Variants in CPNE4 observed in about 807,000 individuals in gnomAD.
CPNE4 encodes the protein copine 4.
A neutral mutation model predicts 67.9 loss-of-function variants in CPNE4; 25 were observed. The observed-to-expected ratio is 0.37, with a 90% CI of 0.27 to 0.51. The LOEUF (loss-of-function observed/expected upper bound fraction) is 0.51, where lower values mean the gene tolerates loss of function less well. Ranked by LOEUF, CPNE4 falls within the 20% of genes least tolerant of loss-of-function variation. The pLI is 0.93. For missense variants in CPNE4, 464 were observed against 690.8 expected, an observed-to-expected ratio of 0.67 and a Z score of 3.68; for synonymous variants, 242 against 244.9, an observed-to-expected ratio of 0.99 and a Z score of 0.11.
chr3:131,768,726 C>T (rs2083087913), intron 2 of CPNE4, among the ~76,000 whole-genome samples: 1 of 152,066 alleles, frequency 6.6e-6, no homozygotes, highest in Admixed American at 6.6e-5. Flanking sequence ...TTTTTATCCT[C>T]TGCACCACAA....
intron 2 of CPNE4, among the ~76,000 whole-genome samples, chr3:131,771,207 A>G (rs1267247641): frequency 6.6e-6 from 1 of 152,184 alleles, no homozygotes; most frequent in African/African-American, 2.4e-5. Flanking sequence ...AAGAAACAAT[A>G]AAAAATCTTT....
intron 1 of CPNE4, among the ~76,000 whole-genome samples, chr3:131,986,433 C>G (rs1309841568): frequency 1.3e-5 from 2 of 152,176 alleles, no homozygotes; most frequent in African/African-American, 4.8e-5. Flanking sequence ...GAGCAACAAC[C>G]TAATGGCTTA....
At position 131,821,309 on chromosome 3, in the gene CPNE4, T is replaced by G. The variant is rs553334479; in HGVS notation, c.180+83955A>C. On this transcript the variant is annotated intron_variant, in intron 2 of 15. Coordinates refer to ENST00000429747, the MANE Select transcript of CPNE4 (RefSeq NM_130808.3). ...GAAAAGGACATTTGTTAGAGAATAC[T>G]GGGAATTTAGAGAGAATCCACAGAA... 1.0e-3 allele frequency among the ~76,000 whole-genome samples: 158 copies of G among 152,336 alleles called. 1 individual carries two copies. Among genetic ancestry groups the G allele is most frequent in the African/African-American group, 3.5e-3 (146 of 41,576 alleles).
intron 1 of CPNE4, among the ~76,000 whole-genome samples, chr3:131,993,336 A>G (rs1027869395): frequency 1.5e-5 from 2 of 134,268 alleles, no homozygotes; most frequent in African/African-American, 5.0e-5. Flanking sequence ...GGATACAGGA[A>G]ACTTGAAATC....
At chr3:131,786,229 A>G (rs2083559990) in intron 2 of CPNE4, among the ~76,000 whole-genome samples, 1 of 151,556 alleles carries the variant, frequency 6.6e-6, no homozygotes, top group African/African-American at 2.4e-5. Context: ...CCTTACCTTC[A>G]AACTCAGCTT....
intron 1 of CPNE4, among the ~76,000 whole-genome samples, chr3:131,953,141 G>A (rs953182200): frequency 1.3e-5 from 2 of 149,168 alleles, no homozygotes; most frequent in Admixed American, 1.4e-4. Context: ...GAAAACCAGA[G>A]ACCTTTGCTC....
At chr3:131,604,095 A>G (rs956571601) in intron 7 of CPNE4, among the ~76,000 whole-genome samples, 3 of 152,298 alleles carry the variant, frequency 2.0e-5, no homozygotes, top group Admixed American at 2.0e-4. Context: ...CCACACTTCC[A>G]GATTTCTGTT....
At chr3:131,816,079 A>G (rs1042807915) in intron 2 of CPNE4, among the ~76,000 whole-genome samples, 1 of 152,184 alleles carries the variant, frequency 6.6e-6, no homozygotes, top group Non-Finnish European at 1.5e-5. Context: ...GGCAAGATGG[A>G]GTCAGCTGTT....
intron 1 of CPNE4, among the ~76,000 whole-genome samples, chr3:131,912,903 A>G (rs1254194522): frequency 6.6e-6 from 1 of 152,180 alleles, no homozygotes; most frequent in Non-Finnish European, 1.5e-5. Context: ...CCTGCGGACT[A>G]CACCTTGAGT....
chr3:131,902,124 CA>C (rs1188610083), intron 2 of CPNE4, among the ~76,000 whole-genome samples: 4 of 151,926 alleles, frequency 2.6e-5, no homozygotes, highest in African/African-American at 9.7e-5. Context: ...GTTAAGAGAG[CA>C]AAATTTGCTA....
chr3:131,572,252 T>C (rs1388848399), intron 10 of CPNE4, among the ~76,000 whole-genome samples: 2 of 152,018 alleles, frequency 1.3e-5, no homozygotes, highest in East Asian at 3.9e-4. Context: ...AAAAGGTGAT[T>C]GAGGAAGTTT....
At chr3:131,721,740 G>C (rs1214446571) in intron 3 of CPNE4, among the ~76,000 whole-genome samples, 1 of 152,112 alleles carries the variant, frequency 6.6e-6, no homozygotes, top group Non-Finnish European at 1.5e-5. Context: ...TTTATGCATA[G>C]GAGGGATGCC....
At chr3:131,535,565 C>T (rs528769043) in intron 15 of CPNE4, among the ~76,000 whole-genome samples, 3 of 152,224 alleles carry the variant, frequency 2.0e-5, no homozygotes, top group Admixed American at 2.0e-4. Context: ...CATCTGAAGA[C>T]GAGTAAAAGT....
chr3:131,674,205 A>G (rs1211888308), intron 6 of CPNE4, among the ~76,000 whole-genome samples: 2 of 152,010 alleles, frequency 1.3e-5, no homozygotes, highest in Admixed American at 6.6e-5. Flanking sequence ...GTGTTGTTGA[A>G]TTAAGTTTGC....
intron 7 of CPNE4, among the ~76,000 whole-genome samples, chr3:131,607,522 T>C (rs1939577242): frequency 6.6e-6 from 1 of 152,194 alleles, no homozygotes. Flanking sequence ...TAGAAATTTC[T>C]TCTGGCTATC....
chr3:131,784,112 C>T (rs1384226479), intron 2 of CPNE4, among the ~76,000 whole-genome samples: 1 of 152,060 alleles, frequency 6.6e-6, no homozygotes, highest in African/African-American at 2.4e-5. Flanking sequence ...TAAACAATGT[C>T]ATAGACTCTC....
intron 7 of CPNE4, among the ~76,000 whole-genome samples, chr3:131,627,586 G>A (rs574563990): frequency 4.6e-5 from 7 of 152,272 alleles, no homozygotes; most frequent in African/African-American, 1.2e-4. Flanking sequence ...ATGGATCTGG[G>A]CAAAGTAAAT....
chr3:131,664,739 C>A (rs370704632), intron 7 of CPNE4, among the ~76,000 whole-genome samples: 6 of 152,036 alleles, frequency 3.9e-5, no homozygotes, highest in African/African-American at 7.2e-5. Context: ...GATAATGGAA[C>A]CTACCTCACA....
At chr3:131,776,195 A>G (rs1467300707) in intron 2 of CPNE4, among the ~76,000 whole-genome samples, 1 of 139,574 alleles carries the variant, frequency 7.2e-6, no homozygotes, top group African/African-American at 2.5e-5. Context: ...CCAATGAAGC[A>G]TCTTACTCAG....
Sources: allele counts gnomAD v4.1 joint callset (sites outside exome capture counted in the v4.1 genomes callset), GRCh38; gene constraint gnomAD v4.1.1; transcripts MANE v1.5; gene names NCBI Gene and HGNC (gene_info 2026-07-23, HGNC 2026-07-21).